Variants in ARHGAP30 observed in about 807,000 individuals in gnomAD.
ARHGAP30 encodes rho GTPase-activating protein 30.
In ARHGAP30, 23 loss-of-function variants were observed where a neutral mutation model predicts 72.0. That is an observed-to-expected ratio of 0.32 (90% CI 0.23 to 0.45). ARHGAP30 has a LOEUF of 0.45. ARHGAP30 is among the 20% of genes least tolerant of loss of function. The pLI, the probability that ARHGAP30 is intolerant of heterozygous loss-of-function variation, is 1.00. For missense variants in ARHGAP30, 1,319 were observed against 1,383.4 expected (o/e 0.95, Z 0.74); for synonymous variants, 576 against 528.2 (o/e 1.09, Z -1.24).
Position 161,051,442 on chromosome 1 carries a change from G to C in ARHGAP30, c.1292C>G (p.Pro431Arg). 6.2e-7 allele frequency: 1 copy of C among 1,614,258 alleles called. No homozygotes were observed. Among genetic ancestry groups the C allele is most frequent in the South Asian group, 1.1e-5 (1 of 91,092 alleles). Residue 431 changes from proline (P) to arginine (R), a missense_variant, in exon 10 of 12, where the codon CCC becomes CGC. This residue lies in a region of ARHGAP30 where 1,097 missense variants were observed against 1,045.2 expected (regional missense o/e 1.05). Coordinates refer to ENST00000368013, the MANE Select transcript of ARHGAP30 (RefSeq NM_001025598.2). ...GGAAACGTTAGAGATGATGTTCGGG[G>C]GCACACTGAGGATAGAGGTGATGTG... ...PLHITSILSV[P>R]PNIISNVSLA...
intron 2 of ARHGAP30, 66 bp from the exon 3 acceptor site, chr1:161,056,598 A>G (rs1470505089): frequency 9.0e-6 from 14 of 1,548,480 alleles, no homozygotes; most frequent in Non-Finnish European, 1.1e-5. Context: ...GTGGGTCCCT[A>G]TAGAGATGGG....
In ARHGAP30 at chr1:161,048,094, C is replaced by T. The variant is rs1651007149; in HGVS notation, c.2927G>A (p.Gly976Glu). Residue 976 changes from glycine to glutamate, a missense_variant, in exon 12 of 12, where the codon GGA becomes GAA. Around this residue, in one of 2 missense-constraint regions of ARHGAP30, gnomAD observed 1,097 missense variants for 1,045.2 expected, o/e 1.05. Transcript: ENST00000368013. ...AGCTCGGGACCCCCAAGCCCTTTCT[C>T]CAGGAGTCCCATCAAGCCGGCCAGG... The part of the protein sequence containing the change: ...PRPGRLDGTP[G>E]ERAWGSRASR... 1 of 1,614,176 alleles carries T rather than the reference C, an allele frequency of 6.2e-7. No homozygotes were observed. Among genetic ancestry groups the T allele is most frequent in the East Asian group, 2.2e-5 (1 of 44,890 alleles).
At chr1:161,058,269 G>A (rs1652038448) in intron 2 of ARHGAP30, among the ~76,000 whole-genome samples, 1 of 151,302 alleles carries the variant, frequency 6.6e-6, no homozygotes, top group South Asian at 2.1e-4. Flanking sequence ...CTCAGATCAC[G>A]CCACTGCACT....
intron 3 of ARHGAP30, among the ~76,000 whole-genome samples, chr1:161,056,090 A>T (rs1651859996): frequency 6.6e-6 from 1 of 151,296 alleles, no homozygotes; most frequent in African/African-American, 2.4e-5. Flanking sequence ...CCTTCCAGCT[A>T]CAACAATCTG....
Position 161,047,072 on chromosome 1 carries a change from A to T in ARHGAP30, c.*643T>A. ...ATTTCCCTTTCCTGAAATAGGAACA[A>T]GTTATTCCAAAGGAGAAAGGAGAGC... On this transcript the variant is annotated 3_prime_UTR_variant, in exon 12 of 12. Transcript: ENST00000368013. 1 of 446,640 alleles carries T rather than the reference A, an allele frequency of 2.2e-6. No individual in the cohort carries two copies. The highest frequency in any genetic ancestry group is 1.7e-5 in the South Asian group (1 of 60,422). 27.7% of individuals were successfully genotyped at this position (446,640 alleles called of 1,614,324 possible).
rs374307651 is a variant in ARHGAP30, at chr1:161,048,052, C to T, written c.2969G>A (p.Arg990Lys). The T allele has an allele frequency of 1.2e-6, 2 of 1,614,216 alleles. No homozygotes were observed. The highest frequency in any genetic ancestry group is 1.7e-5 in the Admixed American group (1 of 60,026). ...WGSRASRSSW[R>K]NGGSLSFDAA... ...ATCAAAGGAAAGACTACCCCCATTC[C>T]TCCAAGAGGATCGAGAAGCTCGGGA... The change falls in exon 12 of 12, where the codon AGG (arginine) becomes AAG (lysine). Residue 990 changes from arginine (R) to lysine (K), a missense_variant. Coordinates refer to ENST00000368013, the MANE Select transcript of ARHGAP30 (RefSeq NM_001025598.2).
At chr1:161,058,983 T>C (rs548438824) in intron 2 of ARHGAP30, among the ~76,000 whole-genome samples, 4 of 152,160 alleles carry the variant, frequency 2.6e-5, no homozygotes, top group Non-Finnish European at 5.9e-5. Context: ...AACGGAGTTA[T>C]ACATTTTTAA....
intron 2 of ARHGAP30, among the ~76,000 whole-genome samples, 195 bp downstream of exon 2, chr1:161,059,419 T>C (rs984457828): frequency 1.3e-5 from 2 of 151,520 alleles, no homozygotes; most frequent in Admixed American, 6.6e-5. Context: ...GTGTGCTAAG[T>C]TGGGGGAGGG....
At chr1:161,056,576 A>T in intron 2 of ARHGAP30, 44 bp from the exon 3 acceptor site, 1 of 1,588,768 alleles carries the variant, frequency 6.3e-7, no homozygotes, top group Non-Finnish European at 8.6e-7. Context: ...GGTTGGGGTG[A>T]TGTGGGGAGA....
rs958029636 is a variant in ARHGAP30 at position 161,069,334 on chromosome 1, A to T, written c.97+194T>A. Among the ~76,000 whole-genome samples the T allele has an allele frequency of 6.6e-6, 1 of 152,034 alleles. No homozygotes were observed. The highest frequency in any genetic ancestry group is 1.5e-5 in the Non-Finnish European group (1 of 67,982). ...CACCCCATCCCCAGAAAGTTACACA[A>T]GGGAGCCGCCCTGCCTTCTTCACTG... On this transcript the variant is annotated intron_variant, in intron 1 of 11. Coordinates refer to ENST00000368013, the MANE Select transcript of ARHGAP30 (RefSeq NM_001025598.2). The surrounding 1 kb of genome is among the most constrained non-coding windows in gnomAD (Gnocchi z 4.9).
At chr1:161,051,175 G>A in intron 10 of ARHGAP30, 139 bp downstream of exon 10, 1 of 1,394,026 alleles carries the variant, frequency 7.2e-7, no homozygotes, top group South Asian at 1.6e-5. Context: ...CCTGAATCTA[G>A]GGAGGCAGCT....
At chr1:161,060,682 A>G (rs1652247674) in intron 1 of ARHGAP30, among the ~76,000 whole-genome samples, 2 of 142,698 alleles carry the variant, frequency 1.4e-5, no homozygotes, top group African/African-American at 2.6e-5. Context: ...TTGGTAGGGG[A>G]GGCAGAGTCA....
At position 161,054,517 on chromosome 1, in the gene ARHGAP30, C is replaced by A. The variant is rs376560161; in HGVS notation, c.429-44G>T. ...GGGATCACACAGGGAATGCCCAGGG[C>A]AGGCATTAGGGCTGGGACCTGGGAG... On this transcript the variant is annotated intron_variant, in intron 4 of 11. Transcript: ENST00000368013. 25 of 1,605,236 alleles carry A rather than the reference C, an allele frequency of 1.6e-5. No individual in the cohort carries two copies. In the African/African-American group the frequency reaches 2.4e-4, roughly 15 times the overall value.
intron 2 of ARHGAP30, among the ~76,000 whole-genome samples, chr1:161,058,035 C>T (rs1012060998): frequency 1.3e-5 from 2 of 152,152 alleles, no homozygotes; most frequent in Non-Finnish European, 2.9e-5. Context: ...CCTGTAATCC[C>T]AGCTATTCAG....
At chr1:161,068,749 G>A (rs1015780552) in intron 1 of ARHGAP30, among the ~76,000 whole-genome samples, 4 of 152,070 alleles carry the variant, frequency 2.6e-5, no homozygotes, top group African/African-American at 9.7e-5. Context: ...TGGTCCTTCT[G>A]GCTTCAAAGC....
At chr1:161,053,093 C>T in intron 6 of ARHGAP30, 165 bp downstream of exon 6, 1 of 1,085,012 alleles carries the variant, frequency 9.2e-7, no homozygotes, top group Non-Finnish European at 1.3e-6. Context: ...CAGAAGAAGT[C>T]TTCTCAAGTC....
At chr1:161,062,028 C>G (rs1652347414) in intron 1 of ARHGAP30, among the ~76,000 whole-genome samples, 1 of 152,014 alleles carries the variant, frequency 6.6e-6, no homozygotes, top group South Asian at 2.1e-4. Flanking sequence ...GTGGAGGTTG[C>G]AATGAGCCAA....
chr1:161,049,217 C>T lies in ARHGAP30; in HGVS notation c.1804G>A (p.Glu602Lys), dbSNP rs767053721. The change falls in exon 12 of 12, where the codon GAG becomes AAG. Residue 602 changes from glutamate to lysine, a missense_variant. This residue lies in a region of ARHGAP30 where 1,097 missense variants were observed against 1,045.2 expected (regional missense o/e 1.05). Transcript: ENST00000368013. ...DSAGPRPEVE[E>K]ENGEEVFLSA... ...AGGAAAACTTCCTCCCCATTTTCCTCCTCAACTTCAGGCCTGGGGCCAGCG... is the reference window on the plus strand; with the variant it reads ...AGGAAAACTTCCTCCCCATTTTCCTTCTCAACTTCAGGCCTGGGGCCAGCG... 20 of 1,614,144 alleles carry T rather than the reference C, an allele frequency of 1.2e-5. No individual in the cohort carries two copies. In the South Asian group the frequency reaches 2.0e-4, roughly 16 times the overall value.
rs1553216834 is a variant in ARHGAP30, at chr1:161,051,703, A to C, written c.1031T>G (p.Leu344Arg). ...AAGASDEPEG[L>R]VGPSSPRPSP... is the part of the protein sequence containing the mutation. Reference sequence around the variant, plus strand: ...TGGCCGGGGGCTGCTGGGCCCCACCAGCCCCTCTGGCTCTGTGGAGGAAAA... The same window carrying C: ...TGGCCGGGGGCTGCTGGGCCCCACCCGCCCCTCTGGCTCTGTGGAGGAAAA... The change falls in exon 10 of 12, where the codon CTG (leucine) becomes CGG (arginine). Residue 344 changes from leucine (L) to arginine (R), a missense_variant. Leu to Arg is a moderately radical substitution (Grantham distance 102). Coordinates refer to ENST00000368013, the MANE Select transcript of ARHGAP30 (RefSeq NM_001025598.2). The C allele has an allele frequency of 1.2e-6, 2 of 1,609,670 alleles. No homozygotes were observed. The highest frequency in any genetic ancestry group is 2.2e-5 in the South Asian group (2 of 90,800).
Sources: gnomAD v4.1 joint callset for allele counts (sites outside exome capture counted in the v4.1 genomes callset) on GRCh38, gnomAD v4.1.1 for gene constraint, gnomAD v4.1.1 regional missense constraint, Gnocchi (gnomAD v3.1) non-coding constraint, MANE v1.5 for transcripts, NCBI Gene and HGNC (gene_info 2026-07-23, HGNC 2026-07-21) for gene names.